ACSL4: variants seen among roughly 807,000 people sequenced by gnomAD.
ACSL4 encodes the protein long-chain-fatty-acid--CoA ligase 4.
Under a neutral mutation model 49.1 loss-of-function variants are expected in ACSL4, and 9 were observed. The ratio of observed to expected loss-of-function variants is 0.18; its 90% CI spans 0.11 to 0.32. The LOEUF (loss-of-function observed/expected upper bound fraction) is 0.32. Among genes scored for constraint, ACSL4 ranks in the 10% least tolerant of loss-of-function variants. The pLI, the probability that ACSL4 is intolerant of heterozygous loss-of-function variation, is 1.00. For missense variants in ACSL4, 333 were observed against 493.7 expected (o/e 0.67, Z 3.08); for synonymous variants, 191 against 170.3 (o/e 1.12, Z -0.95).
In ACSL4 at chrX:109,678,128, G is replaced by A. The variant is rs752416241; in HGVS notation, c.807-17C>T. ...TCCTTCGGTCTAAAACAAAATAAGA[G>A]AAATATTTTAACCATTCTTGAAAAG... On this transcript the variant is annotated splice_polypyrimidine_tract_variant and intron_variant, in intron 7 of 15. Coordinates refer to ENST00000672401, the MANE Select transcript of ACSL4 (RefSeq NM_001318510.2). 9 of 1,209,791 alleles carry A rather than the reference G, an allele frequency of 7.4e-6. No homozygotes were observed. The Admixed American group carries it at 1.3e-4, about 18-fold the overall frequency.
intron 1 of ACSL4, among the ~76,000 whole-genome samples, chrX:109,725,636 G>A (rs938244996): frequency 1.8e-5 from 2 of 110,136 alleles, no homozygotes; most frequent in Admixed American, 9.7e-5. Context: ...GGTGGAGGGC[G>A]CCTGTAGTCA....
intron 2 of ACSL4, among the ~76,000 whole-genome samples, chrX:109,688,550 G>A (rs186710439): frequency 3.0e-3 from 335 of 110,981 alleles, no homozygotes; most frequent in Non-Finnish European, 4.6e-3. Context: ...ATGGCTCTCT[G>A]TCTCCCAGTT....
intron 13 of ACSL4, 29 bp from the exon 14 acceptor site, chrX:109,661,674 G>C (rs1012673011): frequency 2.0e-6 from 2 of 989,581 alleles, no homozygotes; most frequent in Non-Finnish European, 2.9e-6. Flanking sequence ...TGTTAAGTCT[G>C]TTTAACTAAG....
chrX:109,696,031 G>A (rs1041728568), intron 2 of ACSL4, 113 bp downstream of exon 2: 1 of 112,307 alleles, frequency 8.9e-6, no homozygotes, highest in Non-Finnish European at 1.9e-5. Context: ...ATAAATATTG[G>A]TAGAGTTTTT....
intron 1 of ACSL4, among the ~76,000 whole-genome samples, chrX:109,708,992 C>T (rs778253538): frequency 8.9e-6 from 1 of 111,944 alleles, no homozygotes; most frequent in Non-Finnish European, 1.9e-5. Context: ...GTATAAATTT[C>T]TTTAAAGCTA....
chrX:109,645,493 A>G (rs1363904443), intron 15 of ACSL4, among the ~76,000 whole-genome samples: 1 of 112,121 alleles, frequency 8.9e-6, no homozygotes, highest in Non-Finnish European at 1.9e-5. Flanking sequence ...AACAAACAGA[A>G]AGGACATCCA....
chrX:109,702,495 C>A (rs747293325), intron 1 of ACSL4, among the ~76,000 whole-genome samples: 315 of 112,222 alleles, frequency 2.8e-3, no homozygotes, highest in African/African-American at 9.4e-3. Flanking sequence ...AGGGTATGAT[C>A]ATTTTATATT....
At chrX:109,699,731 T>G (rs763946705) in intron 1 of ACSL4, among the ~76,000 whole-genome samples, 1 of 111,635 alleles carries the variant, frequency 9.0e-6, no homozygotes, top group Admixed American at 9.5e-5. Flanking sequence ...ATATTTTGGG[T>G]TTTTTTCCTG....
At chrX:109,673,173 T>C (rs1923409503) in intron 9 of ACSL4, among the ~76,000 whole-genome samples, 1 of 112,011 alleles carries the variant, frequency 8.9e-6, no homozygotes, top group African/African-American at 3.2e-5. Context: ...TCCTATGTTA[T>C]CTGATAAGGT....
At chrX:109,699,682 G>C (rs1338332380) in intron 1 of ACSL4, among the ~76,000 whole-genome samples, 4 of 111,488 alleles carry the variant, frequency 3.6e-5, no homozygotes, top group African/African-American at 1.3e-4. Context: ...GTTATTGCTG[G>C]GTGGTAGGAT....
chrX:109,709,138 A>G (rs56777386), intron 1 of ACSL4, among the ~76,000 whole-genome samples: 301 of 112,066 alleles, frequency 2.7e-3, no homozygotes, highest in African/African-American at 9.3e-3. Flanking sequence ...ACTGACCAGA[A>G]TCAGTCCCCT....
chrX:109,721,624 C>T (rs1927559409), intron 1 of ACSL4, among the ~76,000 whole-genome samples: 3 of 109,317 alleles, frequency 2.7e-5, no homozygotes, highest in Admixed American at 9.8e-5. Context: ...TCCAGCTACT[C>T]GGGAGGCTGA....
chrX:109,693,251 G>A (rs1161406468), intron 2 of ACSL4, among the ~76,000 whole-genome samples: 20 of 109,008 alleles, frequency 1.8e-4, no homozygotes, highest in Non-Finnish European at 3.4e-4. Context: ...ATACAAAATT[G>A]TATCGTGATT....
intron 15 of ACSL4, among the ~76,000 whole-genome samples, chrX:109,647,979 A>G (rs1384452323): frequency 8.9e-6 from 1 of 111,799 alleles, no homozygotes. Context: ...ACCAGGAAGA[A>G]GTTGAATCCC....
intron 1 of ACSL4, among the ~76,000 whole-genome samples, chrX:109,696,571 A>C (rs1342120324): frequency 1.8e-5 from 2 of 112,557 alleles, no homozygotes; most frequent in Non-Finnish European, 3.8e-5. Context: ...CCATCCCCAC[A>C]CACAGATGAC....
intron 2 of ACSL4, among the ~76,000 whole-genome samples, chrX:109,692,738 CA>C (rs997252532): frequency 1.8e-5 from 2 of 111,957 alleles, no homozygotes; most frequent in Admixed American, 9.5e-5. Flanking sequence ...ATTTTATCTA[CA>C]AAGTCTTCGA....
chrX:109,698,328 C>A (rs966220860), intron 1 of ACSL4, among the ~76,000 whole-genome samples: 1 of 111,781 alleles, frequency 8.9e-6, no homozygotes, highest in Non-Finnish European at 1.9e-5. Flanking sequence ...CTCTCCTAGT[C>A]TCCTCCTACA....
In ACSL4 at chrX:109,721,047, A is replaced by G. The variant is rs1446395263; in HGVS notation, c.-66+12092T>C. On this transcript the variant is annotated intron_variant, in intron 1 of 15. Coordinates refer to ENST00000672401, the MANE Select transcript of ACSL4 (RefSeq NM_001318510.2). ...CCCTTCAGTAAAGTTGTGATTTTTC[A>G]ACTGTTCTTTGAAGCTGCTTCTCAA... Among the ~76,000 whole-genome samples the G allele has an allele frequency of 7.1e-5, 8 of 112,355 alleles. No individual in the cohort carries two copies. The Admixed American group carries it at 7.6e-4, about 11-fold the overall frequency.
At chrX:109,671,298 G>A (rs1209062547) in intron 9 of ACSL4, among the ~76,000 whole-genome samples, 2 of 110,510 alleles carry the variant, frequency 1.8e-5, no homozygotes, top group African/African-American at 6.6e-5. Context: ...GAACTGAGGA[G>A]TGTCTCTGCC....
Sources: gnomAD v4.1 joint callset for allele counts (sites outside exome capture counted in the v4.1 genomes callset) on GRCh38, gnomAD v4.1.1 for gene constraint, MANE v1.5 for transcripts, NCBI Gene and HGNC (gene_info 2026-07-23, HGNC 2026-07-21) for gene names.